Variants in DGKB observed in about 807,000 individuals in gnomAD.
DGKB encodes the protein diacylglycerol kinase beta, also known as 90 kDa diacylglycerol kinase.
DGKB carries 67 observed loss-of-function variants against 114.3 expected under a neutral mutation model. The observed-to-expected ratio is 0.59, with a 90% confidence interval of 0.48 to 0.72. The LOEUF (loss-of-function observed/expected upper bound fraction) is 0.72. Among genes scored for constraint, DGKB ranks in the 30% least tolerant of loss-of-function variants. The probability of loss-of-function intolerance (pLI) is 0.00; values close to 1 mark genes in which losing one functional copy is unlikely to be tolerated. For synonymous variants in DGKB, 398 were observed against 323.1 expected (o/e 1.23, Z -2.49); for missense variants, 907 against 975.2 (o/e 0.93, Z 0.93).
intron 20 of DGKB, among the ~76,000 whole-genome samples, chr7:14,478,842 G>A (rs1188406040): frequency 1.3e-5 from 2 of 151,798 alleles, no homozygotes; most frequent in South Asian, 2.1e-4. Flanking sequence ...TTTATTTTTG[G>A]GGAATTGGTG....
chr7:14,545,449 C>T (rs1314487338), intron 20 of DGKB, among the ~76,000 whole-genome samples: 7 of 152,110 alleles, frequency 4.6e-5, no homozygotes, highest in African/African-American at 1.2e-4. Context: ...AGCCATGAAA[C>T]CTCAACAGTC....
intron 20 of DGKB, among the ~76,000 whole-genome samples, chr7:14,569,323 A>C (rs1563542213): frequency 1.3e-5 from 2 of 152,324 alleles, no homozygotes; most frequent in East Asian, 3.9e-4. Flanking sequence ...AAACTCAGTC[A>C]AAGCCACCTT....
chr7:14,686,480 C>G (rs1042823417), intron 9 of DGKB, among the ~76,000 whole-genome samples: 1 of 152,050 alleles, frequency 6.6e-6, no homozygotes, highest in African/African-American at 2.4e-5. Context: ...TCCAGGTTGT[C>G]CAAGTTGTCA....
intron 20 of DGKB, among the ~76,000 whole-genome samples, chr7:14,488,943 GA>G (rs1784233602): frequency 6.6e-6 from 1 of 151,414 alleles, no homozygotes; most frequent in African/African-American, 2.4e-5. Context: ...CTAAAATGAA[GA>G]AAATTGTAAA....
At chr7:14,798,655 G>C (rs1369710063) in intron 2 of DGKB, among the ~76,000 whole-genome samples, 1 of 152,086 alleles carries the variant, frequency 6.6e-6, no homozygotes, top group Non-Finnish European at 1.5e-5. Context: ...ACTCTAAATT[G>C]ACACTAATCC....
intron 25 of DGKB, among the ~76,000 whole-genome samples, chr7:14,165,173 A>C (rs939088256): frequency 6.6e-6 from 1 of 152,140 alleles, no homozygotes; most frequent in African/African-American, 2.4e-5. Context: ...CTCAGACTAC[A>C]TTGAATTTCT....
intron 21 of DGKB, among the ~76,000 whole-genome samples, chr7:14,386,760 G>T (rs1003805310): frequency 6.6e-6 from 1 of 152,196 alleles, no homozygotes; most frequent in East Asian, 1.9e-4. Flanking sequence ...CAGGAGGCTT[G>T]GCCTCTTCTA....
intron 21 of DGKB, among the ~76,000 whole-genome samples, chr7:14,476,482 C>A (rs913657570): frequency 6.6e-6 from 1 of 151,978 alleles, no homozygotes; most frequent in Admixed American, 6.6e-5. Context: ...TCAAACAGTA[C>A]AATAAAGAAA....
chr7:14,920,986 G>T (rs1784487148), intron 1 of DGKB, among the ~76,000 whole-genome samples: 1 of 152,014 alleles, frequency 6.6e-6, no homozygotes, highest in African/African-American at 2.4e-5. Context: ...GGACACATGT[G>T]CAGATTTGTT....
Position 14,594,258 on chromosome 7 carries a change from T to C in DGKB, c.1434-11121A>G, listed in dbSNP as rs1426612847. On this transcript the variant is annotated intron_variant, in intron 17 of 25. Transcript: ENST00000402815. The stretch of plus-strand genomic sequence containing the variant: ...TTCATACTGTATTTACTGCTACAAA[T>C]ACGCAGTAAAATTTATGGTCATGCT... Among the ~76,000 whole-genome samples the C allele has an allele frequency of 2.0e-5, 3 of 152,090 alleles. No homozygotes were observed. In the East Asian group the frequency reaches 5.8e-4, roughly 29 times the overall value.
chr7:14,689,066 T>G (rs190779135), intron 9 of DGKB, among the ~76,000 whole-genome samples: 98 of 151,726 alleles, frequency 6.5e-4, no homozygotes, highest in African/African-American at 2.3e-3. Flanking sequence ...TTAACTTATA[T>G]AGAGAGAGAG....
intron 14 of DGKB, among the ~76,000 whole-genome samples, chr7:14,627,841 G>C (rs1454430212): frequency 1.3e-5 from 2 of 151,786 alleles, no homozygotes; most frequent in Non-Finnish European, 2.9e-5. Context: ...TACTTTGGCG[G>C]CTGAAGCAGG....
At chr7:14,762,629 C>A (rs900806009) in intron 2 of DGKB, among the ~76,000 whole-genome samples, 1 of 152,088 alleles carries the variant, frequency 6.6e-6, no homozygotes, top group Non-Finnish European at 1.5e-5. Context: ...GCATCTGTTA[C>A]ATCTTGAGTG....
At chr7:14,201,568 G>A (rs368305113) in intron 23 of DGKB, among the ~76,000 whole-genome samples, 26 of 151,966 alleles carry the variant, frequency 1.7e-4, no homozygotes, top group African/African-American at 4.1e-4. Flanking sequence ...AGTGGCCACC[G>A]GGGTTCAGGG....
intron 21 of DGKB, among the ~76,000 whole-genome samples, chr7:14,386,831 G>T (rs375332411): frequency 5.1e-4 from 78 of 152,108 alleles, no homozygotes; most frequent in Non-Finnish European, 9.3e-4. Flanking sequence ...AAAGGAAAGA[G>T]AAACATTATT....
At chr7:14,822,908 G>C (rs943061963) in intron 2 of DGKB, among the ~76,000 whole-genome samples, 1 of 152,028 alleles carries the variant, frequency 6.6e-6, no homozygotes, top group Admixed American at 6.6e-5. Context: ...TCAGAAATCA[G>C]AGATGTCTTC....
chr7:14,174,344 A>AT (rs1781421246), intron 25 of DGKB, among the ~76,000 whole-genome samples: 1 of 152,140 alleles, frequency 6.6e-6, no homozygotes, highest in Non-Finnish European at 1.5e-5. Context: ...TAACCATATA[A>AT]TTTTTGTGAG....
At chr7:14,179,399 T>C (rs985029005) in intron 23 of DGKB, among the ~76,000 whole-genome samples, 3 of 152,222 alleles carry the variant, frequency 2.0e-5, no homozygotes, top group African/African-American at 7.2e-5. Flanking sequence ...TACACAATTG[T>C]ACATTGTTTA....
chr7:14,709,715 A>C (rs1462283171), intron 6 of DGKB, among the ~76,000 whole-genome samples: 1 of 146,182 alleles, frequency 6.8e-6, no homozygotes, highest in South Asian at 2.3e-4. Flanking sequence ...CTATCGCAAG[A>C]ACAAAAAACC....
Sources: gnomAD v4.1 joint callset for allele counts (sites outside exome capture counted in the v4.1 genomes callset) on GRCh38, gnomAD v4.1.1 for gene constraint, MANE v1.5 for transcripts, NCBI Gene and HGNC (gene_info 2026-07-23, HGNC 2026-07-21) for gene names.